TXNL1: variants seen among roughly 807,000 people sequenced by gnomAD.
The protein encoded by TXNL1 is thioredoxin like 1.
Under a neutral mutation model 35.5 loss-of-function variants are expected in TXNL1, and 14 were observed. The ratio of observed to expected loss-of-function variants is 0.39; its 90% CI spans 0.26 to 0.62. TXNL1 has a LOEUF of 0.62. Among genes scored for constraint, TXNL1 ranks in the 20% least tolerant of loss-of-function variants. The pLI is 0.47. For synonymous variants in TXNL1, 110 were observed against 115.5 expected (o/e 0.95, Z 0.31); for missense variants, 263 against 349.7 (o/e 0.75, Z 1.98).
At chr18:56,613,708 G>A (rs1490397756) in intron 6 of TXNL1, among the ~76,000 whole-genome samples, 2 of 152,210 alleles carry the variant, frequency 1.3e-5, no homozygotes, top group East Asian at 1.9e-4. Context: ...CAACTGCTCT[G>A]GAGGCTGAGG....
At chr18:56,623,052 G>T (rs2024215896) in intron 3 of TXNL1, among the ~76,000 whole-genome samples, 1 of 151,784 alleles carries the variant, frequency 6.6e-6, no homozygotes, top group Non-Finnish European at 1.5e-5. Context: ...TCTTCATTCG[G>T]CATGAATTTA....
chr18:56,632,358 G>A (rs749621599), intron 1 of TXNL1, among the ~76,000 whole-genome samples: 8 of 151,854 alleles, frequency 5.3e-5, no homozygotes, highest in South Asian at 2.1e-4. Flanking sequence ...TTTACTAATC[G>A]GCAGGCTTAA....
intron 6 of TXNL1, among the ~76,000 whole-genome samples, chr18:56,613,826 T>G (rs2024036470): frequency 1.3e-5 from 2 of 151,962 alleles, no homozygotes; most frequent in African/African-American, 4.8e-5. Flanking sequence ...AAGAAAAAAT[T>G]CAGATATACC....
At chr18:56,626,175 T>C (rs2024274932) in intron 2 of TXNL1, 186 bp downstream of exon 2, 4 of 1,315,194 alleles carry the variant, frequency 3.0e-6, no homozygotes, top group Non-Finnish European at 3.9e-6. Context: ...AAGCAATTAA[T>C]AATGTGCTAC....
At chr18:56,618,275 G>C (rs1425865034) in intron 3 of TXNL1, 149 bp from the exon 4 acceptor site, 1 of 812,450 alleles carries the variant, frequency 1.2e-6, no homozygotes, top group African/African-American at 1.7e-5. Context: ...CCTTTCATTT[G>C]CATTTCTGAC....
At chr18:56,626,525 A>G in intron 1 of TXNL1, 68 bp from the exon 2 acceptor site, 1 of 1,346,670 alleles carries the variant, frequency 7.4e-7, no homozygotes. Context: ...CGTCAATTAA[A>G]CATAAAATAG....
Position 56,597,256 on chromosome 18 carries a change from T to C in TXNL1, c.*5771A>G, listed in dbSNP as rs2023756713. 2 of 152,228 alleles carry C rather than the reference T, an allele frequency of 1.3e-5. No homozygotes were observed. Among genetic ancestry groups the C allele is most frequent in the Non-Finnish European group, 2.9e-5 (2 of 68,038 alleles). 9.4% of individuals were successfully genotyped at this position (152,228 alleles called of 1,614,324 possible). A position where few individuals can be genotyped will look rare whatever the true frequency, so the allele number is the denominator to read the frequency against. ...ACAACTTCAAAGCAGTGTTTCATAT[T>C]CTCTTACAAAATAGTGCCATCCATC... On this transcript the variant is annotated 3_prime_UTR_variant, in exon 8 of 8. Coordinates refer to ENST00000217515, the MANE Select transcript of TXNL1 (RefSeq NM_004786.3).
At chr18:56,617,129 G>T (rs1281244486) in intron 4 of TXNL1, among the ~76,000 whole-genome samples, 1 of 152,120 alleles carries the variant, frequency 6.6e-6, no homozygotes, top group Non-Finnish European at 1.5e-5. Flanking sequence ...GTGGCTCTGG[G>T]GTTACAGCAT....
chr18:56,629,575 T>C (rs2024338855), intron 1 of TXNL1, among the ~76,000 whole-genome samples: 2 of 152,172 alleles, frequency 1.3e-5, no homozygotes, highest in African/African-American at 2.4e-5. Context: ...TTCAAACCTA[T>C]GTATATATAT....
At chr18:56,628,999 G>A (rs892813924) in intron 1 of TXNL1, among the ~76,000 whole-genome samples, 6 of 152,104 alleles carry the variant, frequency 3.9e-5, no homozygotes, top group Admixed American at 2.6e-4. Flanking sequence ...CTTTATAAAT[G>A]GGAATATATA....
At chr18:56,626,123 A>G (rs1207745100) in intron 2 of TXNL1, 1 of 1,135,116 alleles carries the variant, frequency 8.8e-7, no homozygotes, top group Non-Finnish European at 1.1e-6. Flanking sequence ...TATTAACAAC[A>G]TCGTATTAAT....
At chr18:56,612,015 ATCT>A (rs1269891574) in intron 6 of TXNL1, among the ~76,000 whole-genome samples, 28 of 105,444 alleles carry the variant, frequency 2.7e-4, no homozygotes, top group Non-Finnish European at 3.3e-4. Context: ...CGCCCGGCTA[ATCT>A]TTTTTTTTTT....
At chr18:56,604,379 A>C (rs1205903291) in intron 7 of TXNL1, 2 of 152,254 alleles carry the variant, frequency 1.3e-5, no homozygotes, top group African/African-American at 4.8e-5. Flanking sequence ...AAACAAAAAC[A>C]AATATTAAAA....
chr18:56,622,678 G>A (rs1043592794), intron 3 of TXNL1, among the ~76,000 whole-genome samples: 27 of 152,124 alleles, frequency 1.8e-4, no homozygotes, highest in African/African-American at 4.6e-4. Context: ...ATACCACAGC[G>A]GATGTGTAAA....
intron 3 of TXNL1, among the ~76,000 whole-genome samples, chr18:56,623,375 C>T (rs886868454): frequency 6.7e-5 from 10 of 149,350 alleles, no homozygotes; most frequent in African/African-American, 2.5e-4. Context: ...TTGCAGTGAG[C>T]TGAGATCGTG....
chr18:56,634,533 T>G (rs1429095486), intron 1 of TXNL1, among the ~76,000 whole-genome samples: 1 of 152,292 alleles, frequency 6.6e-6, no homozygotes. Context: ...AAAAATACTC[T>G]GGGAAAAGGG....
At chr18:56,620,961 T>C (rs1263250684) in intron 3 of TXNL1, among the ~76,000 whole-genome samples, 2 of 152,230 alleles carry the variant, frequency 1.3e-5, no homozygotes, top group African/African-American at 4.8e-5. Flanking sequence ...AGCAAAGTTT[T>C]ACTATAGCAG....
intron 1 of TXNL1, among the ~76,000 whole-genome samples, chr18:56,637,980 T>C (rs2024483461): frequency 6.6e-6 from 1 of 152,178 alleles, no homozygotes; most frequent in Non-Finnish European, 1.5e-5. Context: ...AAATGACAGC[T>C]GGCTCTGCAG....
intron 1 of TXNL1, among the ~76,000 whole-genome samples, chr18:56,628,062 G>C (rs2024315248): frequency 6.6e-6 from 1 of 152,144 alleles, no homozygotes; most frequent in African/African-American, 2.4e-5. Context: ...ATGAACCCTT[G>C]AATAGGTACT....
Sources: gnomAD v4.1 joint callset for allele counts (sites outside exome capture counted in the v4.1 genomes callset) on GRCh38, gnomAD v4.1.1 for gene constraint, MANE v1.5 for transcripts, NCBI Gene and HGNC (gene_info 2026-07-23, HGNC 2026-07-21) for gene names.